Variants in HIPK2 observed in about 807,000 individuals in gnomAD.
HIPK2 encodes the protein homeodomain interacting protein kinase 2.
In HIPK2, 27 loss-of-function variants were observed where a neutral mutation model predicts 113.7. That is an observed-to-expected ratio of 0.24 (90% CI 0.17 to 0.33). HIPK2 has a LOEUF of 0.33. Ranked by LOEUF, HIPK2 falls within the 10% of genes least tolerant of loss-of-function variation. The pLI, the probability that HIPK2 is intolerant of heterozygous loss-of-function variation, is 1.00. For missense variants in HIPK2, 1,257 were observed against 1,588.0 expected (o/e 0.79, Z 3.54); for synonymous variants, 631 against 642.2 (o/e 0.98, Z 0.26).
At position 139,562,480 on chromosome 7, in the gene HIPK2, T is replaced by C. The variant is rs772108218; in HGVS notation, c.*10447A>G. The C allele has an allele frequency of 2.0e-5, 3 of 152,260 alleles. No homozygotes were observed. The highest frequency in any genetic ancestry group is 4.4e-5 in the Non-Finnish European group (3 of 68,058). The allele number at this position is 152,260 out of a possible 1,614,324, so 9.4% of individuals were successfully genotyped here. On this transcript the variant is annotated 3_prime_UTR_variant, in exon 15 of 15. Coordinates refer to ENST00000406875, the MANE Select transcript of HIPK2 (RefSeq NM_022740.5). Reference sequence around the variant, plus strand: ...AAAGGTAAACATTTCTGCAGATCCATTCTCTTTCTATCCTAATGGATACCA... The same window carrying C: ...AAAGGTAAACATTTCTGCAGATCCACTCTCTTTCTATCCTAATGGATACCA...
At chr7:139,640,145 G>A (rs1800958538) in intron 2 of HIPK2, among the ~76,000 whole-genome samples, 1 of 152,100 alleles carries the variant, frequency 6.6e-6, no homozygotes, top group Non-Finnish European at 1.5e-5. Flanking sequence ...CACACATGAA[G>A]TGTCAGACAA....
intron 7 of HIPK2, among the ~76,000 whole-genome samples, chr7:139,619,675 G>A (rs1800169823): frequency 6.6e-6 from 1 of 152,194 alleles, no homozygotes; most frequent in Admixed American, 6.5e-5. Flanking sequence ...TGGGGACGAG[G>A]GGAAGGGCCT....
At chr7:139,757,358 C>A (rs921842108) in intron 1 of HIPK2, among the ~76,000 whole-genome samples, 1 of 152,142 alleles carries the variant, frequency 6.6e-6, no homozygotes, top group Non-Finnish European at 1.5e-5. Flanking sequence ...TATATTAAAT[C>A]CAAGCATTCA....
intron 1 of HIPK2, among the ~76,000 whole-genome samples, chr7:139,770,428 T>C (rs569751016): frequency 6.6e-6 from 1 of 152,326 alleles, no homozygotes; most frequent in African/African-American, 2.4e-5. Context: ...TGGCTTCTTA[T>C]CATAAGCCCT....
At position 139,626,588 on chromosome 7, in the gene HIPK2, G is replaced by A; in HGVS notation, c.1619+13C>T. 1 of 1,610,724 alleles carries A rather than the reference G, an allele frequency of 6.2e-7. No individual in the cohort carries two copies. The highest frequency in any genetic ancestry group is 1.7e-5 in the Admixed American group (1 of 59,394). On this transcript the variant is annotated intron_variant, in intron 6 of 14. Transcript: ENST00000406875. The stretch of plus-strand genomic sequence containing the variant: ...GCCGATCCCTGGTACGAAGCATCAG[G>A]CAGGACACCTACTGTGTGCTGTGGG...
Position 139,610,985 on chromosome 7 carries a change from C to T in HIPK2, c.2112+2217G>A, listed in dbSNP as rs563599888. ...TCATGCCTCTGATATCAATTCGTTGCAAGATCCAATCAGATCATGCCTCAT... is the reference window on the plus strand; with the variant it reads ...TCATGCCTCTGATATCAATTCGTTGTAAGATCCAATCAGATCATGCCTCAT... On this transcript the variant is annotated intron_variant, in intron 9 of 14. Coordinates refer to ENST00000406875, the MANE Select transcript of HIPK2 (RefSeq NM_022740.5). Among the ~76,000 whole-genome samples, 4 of 152,360 alleles carry T rather than the reference C, an allele frequency of 2.6e-5. No individual in the cohort carries two copies. In the East Asian group the frequency reaches 7.7e-4, roughly 29 times the overall value.
intron 11 of HIPK2, among the ~76,000 whole-genome samples, chr7:139,598,334 A>G (rs1164667841): frequency 6.6e-6 from 1 of 152,256 alleles, no homozygotes; most frequent in African/African-American, 2.4e-5. Context: ...TTATTTTCCT[A>G]TCTAGCTAGT....
In HIPK2 at chr7:139,714,992, T is replaced by C. The variant is rs1475656217; in HGVS notation, c.1103+940A>G. On this transcript the variant is annotated intron_variant, in intron 2 of 14. Transcript: ENST00000406875. This position sits in a 1 kb window ranked among gnomAD's most constrained non-coding sequence, Gnocchi z 4.2. ...ATGAAGGCATGGAGAAATCAGGCCATTAGGAGAGGAGGGACCAGGTTCACT... is the reference window on the plus strand; with the variant it reads ...ATGAAGGCATGGAGAAATCAGGCCACTAGGAGAGGAGGGACCAGGTTCACT... Among the ~76,000 whole-genome samples the C allele has an allele frequency of 6.6e-6, 1 of 152,114 alleles. No homozygotes were observed. Among genetic ancestry groups the C allele is most frequent in the African/African-American group, 2.4e-5 (1 of 41,422 alleles).
intron 2 of HIPK2, among the ~76,000 whole-genome samples, chr7:139,671,881 A>G (rs1388921618): frequency 1.3e-5 from 2 of 152,192 alleles, no homozygotes; most frequent in East Asian, 3.8e-4. Context: ...ACTTTAATGC[A>G]TTTATGAGAA....
In HIPK2 at chr7:139,584,106, T is replaced by G. The variant is rs1054275621; in HGVS notation, c.2718-42A>C. On this transcript the variant is annotated intron_variant, in intron 12 of 14. Coordinates refer to ENST00000406875, the MANE Select transcript of HIPK2 (RefSeq NM_022740.5). Reference sequence around the variant, plus strand: ...AGAAGTCAGAGGTGGGAGAAGGCCGTGAGGTGAGACACCCAACTAGCACTT... The same window carrying G: ...AGAAGTCAGAGGTGGGAGAAGGCCGGGAGGTGAGACACCCAACTAGCACTT... 6 of 1,545,710 alleles carry G rather than the reference T, an allele frequency of 3.9e-6. No homozygotes were observed. In the Admixed American group the frequency reaches 7.5e-5, roughly 19 times the overall value.
chr7:139,682,618 C>T (rs538041104), intron 2 of HIPK2, among the ~76,000 whole-genome samples: 2 of 152,320 alleles, frequency 1.3e-5, no homozygotes, highest in East Asian at 3.9e-4. Flanking sequence ...TTACTCATCT[C>T]CTCCCCACAG....
At chr7:139,745,130 C>T (rs181679008) in intron 1 of HIPK2, among the ~76,000 whole-genome samples, 4 of 152,330 alleles carry the variant, frequency 2.6e-5, no homozygotes, top group African/African-American at 4.8e-5. Context: ...CCGGTTGGGG[C>T]ATGCAGGTCA....
At position 139,566,063 on chromosome 7, in the gene HIPK2, T is replaced by C. The variant is rs1798081777; in HGVS notation, c.*6864A>G. On this transcript the variant is annotated 3_prime_UTR_variant, in exon 15 of 15. Transcript: ENST00000406875. This position sits in a 1 kb window ranked among gnomAD's most constrained non-coding sequence, Gnocchi z 4.1. ...CTGGAAAGAAATCTAAAAGGAATTCTATGAATCAAAAGAAACTCTCCAGAG... is the reference window on the plus strand; with the variant it reads ...CTGGAAAGAAATCTAAAAGGAATTCCATGAATCAAAAGAAACTCTCCAGAG... 1 of 152,242 alleles carries C rather than the reference T, an allele frequency of 6.6e-6. No individual in the cohort carries two copies. The highest frequency in any genetic ancestry group is 6.5e-5 in the Admixed American group (1 of 15,288). 9.4% of individuals were successfully genotyped at this position (152,242 alleles called of 1,614,324 possible). A position where few individuals can be genotyped will look rare whatever the true frequency, so the allele number is the denominator to read the frequency against.
At chr7:139,578,504 G>C (rs1309758301) in intron 13 of HIPK2, among the ~76,000 whole-genome samples, 3 of 152,156 alleles carry the variant, frequency 2.0e-5, no homozygotes, top group African/African-American at 7.2e-5. Flanking sequence ...AGGAAAAAGG[G>C]AGCGCATTTT....
intron 2 of HIPK2, among the ~76,000 whole-genome samples, chr7:139,641,319 T>G (rs1219969732): frequency 6.8e-6 from 1 of 148,054 alleles, no homozygotes; most frequent in Non-Finnish European, 1.5e-5. Context: ...GAGCTGAGAT[T>G]GCGCCACTAC....
intron 2 of HIPK2, among the ~76,000 whole-genome samples, chr7:139,704,059 C>CACCACACCCAACACACACT (rs1794804846): frequency 1.1e-3 from 3 of 2,844 alleles, no homozygotes; most frequent in Admixed American, 0.01. Flanking sequence ...CCAACACACA[C>CACCACACCCAACACACACT]ACACCCAACA....
rs1030380612 is a variant in HIPK2 at position 139,697,388 on chromosome 7, C to T, written c.1103+18544G>A. Among the ~76,000 whole-genome samples the T allele has an allele frequency of 3.9e-5, 6 of 152,162 alleles. No homozygotes were observed. The East Asian group carries it at 5.8e-4, about 15-fold the overall frequency. ...CAGCCGGAAAAGTATAAATCATCTT[C>T]GCAAATCTGCTTTTGTCAGGATTTA... On this transcript the variant is annotated intron_variant, in intron 2 of 14. Transcript: ENST00000406875.
At chr7:139,618,318 G>A (rs903151183) in intron 7 of HIPK2, among the ~76,000 whole-genome samples, 2 of 151,838 alleles carry the variant, frequency 1.3e-5, no homozygotes, top group African/African-American at 4.8e-5. Context: ...TTAAGGCTAG[G>A]TGTGTCCTGA....
chr7:139,647,112 A>G (rs945786091), intron 2 of HIPK2, among the ~76,000 whole-genome samples: 1 of 144,846 alleles, frequency 6.9e-6, no homozygotes, highest in African/African-American at 2.6e-5. Context: ...TCATCCTTGC[A>G]CTGATAGTTT....
Sources: gnomAD v4.1 joint callset for allele counts (sites outside exome capture counted in the v4.1 genomes callset) on GRCh38, gnomAD v4.1.1 for gene constraint, Gnocchi (gnomAD v3.1) non-coding constraint, MANE v1.5 for transcripts, NCBI Gene and HGNC (gene_info 2026-07-23, HGNC 2026-07-21) for gene names.